The following SDCCAG8 variants were observed in gnomAD, a reference collection of about 807,000 sequenced individuals.
SDCCAG8 encodes SHH signaling and ciliogenesis regulator SDCCAG8.
In SDCCAG8, 74 loss-of-function variants were observed where a neutral mutation model predicts 101.8. That is an observed-to-expected ratio of 0.73 (90% CI 0.60 to 0.88). The LOEUF (loss-of-function observed/expected upper bound fraction) is 0.88. Among genes scored for constraint, SDCCAG8 ranks in the 40% least tolerant of loss-of-function variants. The pLI is 0.00. For synonymous variants in SDCCAG8, 281 were observed against 292.9 expected, an observed-to-expected ratio of 0.96 and a Z score of 0.41; for missense variants, 787 against 822.6, an observed-to-expected ratio of 0.96 and a Z score of 0.53.
intron 12 of SDCCAG8, among the ~76,000 whole-genome samples, chr1:243,354,709 A>G (rs756398351): frequency 8.5e-5 from 13 of 152,170 alleles, no homozygotes; most frequent in Admixed American, 3.9e-4. Context: ...TAATGCTTTC[A>G]CTTTCTGTTT....
intron 4 of SDCCAG8, among the ~76,000 whole-genome samples, chr1:243,285,881 A>G (rs1193012112): frequency 6.6e-6 from 1 of 152,328 alleles, no homozygotes; most frequent in East Asian, 1.9e-4. Context: ...CCTCTATTTA[A>G]TCTTCCATCA....
intron 16 of SDCCAG8, among the ~76,000 whole-genome samples, chr1:243,488,791 G>A (rs1391053694): frequency 2.6e-5 from 4 of 152,120 alleles, no homozygotes; most frequent in South Asian, 4.1e-4. Context: ...AATTGATAGT[G>A]TACTGAGATG....
Position 243,270,121 on chromosome 1 carries a change from C to G in SDCCAG8, c.84C>G (p.Ser28Arg). 6.2e-7 allele frequency: 1 copy of G among 1,614,194 alleles called. No homozygotes were observed. Among genetic ancestry groups the G allele is most frequent in the East Asian group, 2.2e-5 (1 of 44,888 alleles). Residue 28 changes from serine to arginine, a missense_variant, in exon 2 of 18, where the codon AGC (serine) becomes AGG (arginine). By Grantham distance (110) the Ser-to-Arg change is moderately radical. Coordinates refer to ENST00000366541, the MANE Select transcript of SDCCAG8 (RefSeq NM_006642.5). ...QRSLREHASR[S>R]IHQLTCALKE... ...TTCTTGCAGAACATGCCAGCAGAAGCATTCACCAACTGACATGTGCCCTGA... is the reference window on the plus strand; with the variant it reads ...TTCTTGCAGAACATGCCAGCAGAAGGATTCACCAACTGACATGTGCCCTGA...
intron 7 of SDCCAG8, chr1:243,306,084 TAAA>T (rs67568926): frequency 0.31 from 32,868 of 107,618 alleles, 4,181 homozygotes; most frequent in South Asian, 0.47. Context: ...AGACTCCATC[TAAA>T]AAAAAAAAAA....
intron 12 of SDCCAG8, among the ~76,000 whole-genome samples, chr1:243,363,806 A>G (rs1311332574): frequency 6.6e-6 from 1 of 152,234 alleles, no homozygotes; most frequent in African/African-American, 2.4e-5. Context: ...CTGTATACAT[A>G]CATAGGAATA....
At chr1:243,303,404 C>T (rs930871279) in intron 6 of SDCCAG8, among the ~76,000 whole-genome samples, 10 of 152,110 alleles carry the variant, frequency 6.6e-5, no homozygotes, top group African/African-American at 2.2e-4. Flanking sequence ...GAAATTACCA[C>T]GTGTTTCCAT....
At chr1:243,434,810 G>A (rs537215011) in intron 16 of SDCCAG8, among the ~76,000 whole-genome samples, 110 of 152,294 alleles carry the variant, frequency 7.2e-4, no homozygotes, top group African/African-American at 2.6e-3. Context: ...CTCTGTGGGA[G>A]TTAGAATTTT....
intron 16 of SDCCAG8, among the ~76,000 whole-genome samples, chr1:243,459,821 TCTTGAA>T (rs1658695190): frequency 6.6e-6 from 1 of 152,120 alleles, no homozygotes; most frequent in African/African-American, 2.4e-5. Flanking sequence ...CCCAGGCTGG[TCTTGAA>T]CTCCTGGCCT....
intron 16 of SDCCAG8, among the ~76,000 whole-genome samples, chr1:243,452,256 T>C (rs922291772): frequency 7.2e-5 from 11 of 152,172 alleles, no homozygotes; most frequent in African/African-American, 2.7e-4. Flanking sequence ...GTTAGTTGTG[T>C]AAAAGGAAAT....
intron 8 of SDCCAG8, among the ~76,000 whole-genome samples, chr1:243,310,556 A>G: frequency 1.3e-5 from 2 of 152,314 alleles, no homozygotes; most frequent in Middle Eastern, 6.8e-3. Flanking sequence ...TTAGAAATAA[A>G]TATAAAAAAT....
At chr1:243,463,772 C>T (rs535279420) in intron 16 of SDCCAG8, among the ~76,000 whole-genome samples, 1 of 152,278 alleles carries the variant, frequency 6.6e-6, no homozygotes, top group East Asian at 1.9e-4. Flanking sequence ...AGAGCCTGCA[C>T]CTTTGACTCT....
chr1:243,429,698 T>TA (rs2081586021), intron 16 of SDCCAG8, among the ~76,000 whole-genome samples: 1 of 95,764 alleles, frequency 1.0e-5, no homozygotes, highest in Non-Finnish European at 2.2e-5. Context: ...TCTGCTAATT[T>TA]TTTTTTTTTT....
chr1:243,299,867 A>AT (rs779092727), intron 6 of SDCCAG8, among the ~76,000 whole-genome samples: 3,378 of 140,688 alleles, frequency 0.024, 129 homozygotes, highest in African/African-American at 0.077. Flanking sequence ...CTTTGAATTA[A>AT]TTTTTTTTTT....
At chr1:243,287,501 T>C (rs1285257938) in intron 5 of SDCCAG8, among the ~76,000 whole-genome samples, 2 of 151,938 alleles carry the variant, frequency 1.3e-5, no homozygotes, top group Admixed American at 6.6e-5. Context: ...AGTATAGGAG[T>C]GTATTAACTC....
At chr1:243,403,273 C>T (rs370442977) in intron 13 of SDCCAG8, among the ~76,000 whole-genome samples, 3 of 152,112 alleles carry the variant, frequency 2.0e-5, no homozygotes, top group Non-Finnish European at 4.4e-5. Context: ...GTGTGTGCAA[C>T]GCTGGCCAAT....
intron 12 of SDCCAG8, among the ~76,000 whole-genome samples, chr1:243,352,564 G>C (rs147125727): frequency 7.9e-5 from 12 of 152,266 alleles, no homozygotes; most frequent in Admixed American, 4.6e-4. Flanking sequence ...AACAAGCTGA[G>C]AGACATTAGA....
chr1:243,345,130 G>T (rs1157715112), intron 12 of SDCCAG8, among the ~76,000 whole-genome samples: 2 of 152,074 alleles, frequency 1.3e-5, no homozygotes, highest in East Asian at 1.9e-4. Flanking sequence ...TTAGAAGTAG[G>T]TCGCTCCAAA....
intron 13 of SDCCAG8, among the ~76,000 whole-genome samples, chr1:243,389,005 G>A (rs1258324359): frequency 6.7e-6 from 1 of 148,348 alleles, no homozygotes; most frequent in African/African-American, 2.5e-5. Flanking sequence ...CCTGAGTCCT[G>A]GCTATTTGGG....
At chr1:243,319,819 G>A (rs550562719) in intron 9 of SDCCAG8, among the ~76,000 whole-genome samples, 14 of 151,960 alleles carry the variant, frequency 9.2e-5, no homozygotes, top group Admixed American at 3.9e-4. Context: ...CTACTTCTAC[G>A]CTAACATCCT....
Sources: gnomAD v4.1 joint callset for allele counts (sites outside exome capture counted in the v4.1 genomes callset) on GRCh38, gnomAD v4.1.1 for gene constraint, MANE v1.5 for transcripts, NCBI Gene and HGNC (gene_info 2026-07-23, HGNC 2026-07-21) for gene names.